TPTE2: variants seen among roughly 807,000 people sequenced by gnomAD.
The protein encoded by TPTE2 is phosphatidylinositol 3,4,5-trisphosphate 3-phosphatase TPTE2.
A neutral mutation model predicts 78.6 loss-of-function variants in TPTE2; 53 were observed. That is an observed-to-expected ratio of 0.67 (90% CI 0.54 to 0.85). The LOEUF is 0.85. TPTE2 is among the 40% of genes least tolerant of loss of function. The pLI is 0.00. For synonymous variants in TPTE2, 175 were observed against 206.2 expected (o/e 0.85, Z 1.30); for missense variants, 461 against 623.0 (o/e 0.74, Z 2.77).
chr13:19,455,096 T>C (rs542920951), intron 10 of TPTE2, among the ~76,000 whole-genome samples: 17 of 152,292 alleles, frequency 1.1e-4, no homozygotes, highest in Non-Finnish European at 1.9e-4. Context: ...GAAACAATTT[T>C]CAAAATTGGC....
At position 19,511,087 on chromosome 13, in the gene TPTE2, T is replaced by C. The variant is rs566494284; in HGVS notation, c.-43-7810A>G. Among the ~76,000 whole-genome samples, 18 of 152,340 alleles carry C rather than the reference T, an allele frequency of 1.2e-4. No homozygotes were observed. In the East Asian group the frequency reaches 3.5e-3, roughly 29 times the overall value. On this transcript the variant is annotated intron_variant, in intron 1 of 17. Transcript: ENST00000390680. ...TCAGTCAAATTTAAAATGTGCAGTC[T>C]CATGGCCCATCAAGTCCTGTTTCAT...
chr13:19,506,291 C>T (rs1234899652), upstream of TPTE2, among the ~76,000 whole-genome samples: 2 of 145,536 alleles, frequency 1.4e-5, no homozygotes, highest in Non-Finnish European at 3.0e-5. Flanking sequence ...CCTGCCTCAG[C>T]CTCCCAAGTA....
intron 1 of TPTE2, among the ~76,000 whole-genome samples, chr13:19,526,290 C>T (rs1249109702): frequency 6.6e-6 from 1 of 152,042 alleles, no homozygotes; most frequent in African/African-American, 2.4e-5. Context: ...TAGCTAGGTG[C>T]CCATCAATGG....
chr13:19,428,689 A>G (rs1327004009), intron 17 of TPTE2, among the ~76,000 whole-genome samples: 1 of 151,910 alleles, frequency 6.6e-6, no homozygotes, highest in Admixed American at 6.6e-5. Context: ...TGATCATGCC[A>G]CTGCACTACA....
chr13:19,518,620 G>T (rs1869952750), intron 1 of TPTE2, among the ~76,000 whole-genome samples: 1 of 152,156 alleles, frequency 6.6e-6, no homozygotes, highest in South Asian at 2.1e-4. Flanking sequence ...AAGATAGAGA[G>T]AAACTGAAAC....
At chr13:19,476,635 A>G (rs1879955725) in intron 4 of TPTE2, among the ~76,000 whole-genome samples, 1 of 152,226 alleles carries the variant, frequency 6.6e-6, no homozygotes. Context: ...CACAGATTTT[A>G]GAGAAATGCA....
At chr13:19,520,051 C>A (rs1870055697) in intron 1 of TPTE2, among the ~76,000 whole-genome samples, 1 of 152,012 alleles carries the variant, frequency 6.6e-6, no homozygotes, top group South Asian at 2.1e-4. Flanking sequence ...CTACTCATTG[C>A]TAATGTTTCT....
intron 3 of TPTE2, among the ~76,000 whole-genome samples, chr13:19,484,876 C>T (rs112759931): frequency 0.014 from 2,057 of 152,128 alleles, 34 homozygotes; most frequent in East Asian, 0.06. Context: ...GTTTCTTTAC[C>T]GGTAAGATGA....
At chr13:19,469,556 T>G (rs1301218690) in intron 6 of TPTE2, among the ~76,000 whole-genome samples, 1 of 152,192 alleles carries the variant, frequency 6.6e-6, no homozygotes, top group African/African-American at 2.4e-5. Context: ...TCTATTTCTG[T>G]GAAGAATGTC....
the TPTE2 span, among the ~76,000 whole-genome samples, chr13:19,555,806 T>TA: frequency 3.6e-5 from 1 of 27,414 alleles, no homozygotes; most frequent in African/African-American, 5.3e-5. Flanking sequence ...CAAATTTCTT[T>TA]TTTTTTTTTT....
intron 3 of TPTE2, among the ~76,000 whole-genome samples, chr13:19,491,768 G>T (rs1394294517): frequency 2.0e-5 from 3 of 152,050 alleles, no homozygotes; most frequent in South Asian, 4.2e-4. Flanking sequence ...GAGGTTACAG[G>T]GAGCCGAGAT....
intron 4 of TPTE2, among the ~76,000 whole-genome samples, chr13:19,481,259 A>G (rs539892861): frequency 4.7e-4 from 72 of 152,326 alleles, no homozygotes; most frequent in Non-Finnish European, 7.9e-4. Context: ...AATAAAACCT[A>G]TTTACAGAAC....
rs1877692344 is a variant in TPTE2 at position 19,444,330 on chromosome 13, A to C, written c.973+5746T>G. On this transcript the variant is annotated intron_variant, in intron 13 of 19. Transcript: ENST00000400230. ...ACAAAAAAAAAAAAAAAAAAAAAAA[A>C]AAAAAAAAAAAAAAAAAAAAAAAAA... 1.1e-4 allele frequency among the ~76,000 whole-genome samples: 10 copies of C among 86,994 alleles called. 1 individual carries two copies. The South Asian group carries it at 2.4e-3, about 21-fold the overall frequency. The allele number at this position is 86,994 out of a possible 152,430, so 57.1% of individuals were successfully genotyped here.
chr13:19,475,557 T>C lies in TPTE2; in HGVS notation c.230+16A>G, dbSNP rs751519973. On this transcript the variant is annotated intron_variant, in intron 5 of 19. Transcript: ENST00000400230. ...CAGATATATTTAATACATGGTGTTT[T>C]CTATGTCTCACATACCCAAATGCAA... 2 of 1,607,098 alleles carry C rather than the reference T, an allele frequency of 1.2e-6. No homozygotes were observed. The highest frequency in any genetic ancestry group is 8.5e-7 in the Non-Finnish European group (1 of 1,177,332).
At chr13:19,461,545 ATTTC>A (rs1208149435) in intron 10 of TPTE2, among the ~76,000 whole-genome samples, 2 of 152,020 alleles carry the variant, frequency 1.3e-5, no homozygotes, top group African/African-American at 2.4e-5. Context: ...TAAATCTCAT[ATTTC>A]TTTGTTGATT....
At chr13:19,445,575 A>G (rs1877773315) in intron 13 of TPTE2, among the ~76,000 whole-genome samples, 1 of 152,230 alleles carries the variant, frequency 6.6e-6, no homozygotes, top group Non-Finnish European at 1.5e-5. Context: ...CTAAGACAGA[A>G]CAATTTTAGT....
intron 3 of TPTE2, among the ~76,000 whole-genome samples, chr13:19,492,246 C>T (rs1354779268): frequency 5.9e-5 from 9 of 152,162 alleles, no homozygotes; most frequent in East Asian, 5.8e-4. Context: ...CTGAGGAAAG[C>T]GGCATCCAAT....
chr13:19,542,205 A>G, the TPTE2 span, among the ~76,000 whole-genome samples: 1 of 152,072 alleles, frequency 6.6e-6, no homozygotes, highest in Non-Finnish European at 1.5e-5. Flanking sequence ...CTCAGGATGG[A>G]GTACAGTGGC....
intron 10 of TPTE2, among the ~76,000 whole-genome samples, chr13:19,462,095 T>C (rs1215557636): frequency 9.2e-6 from 1 of 108,426 alleles, no homozygotes; most frequent in East Asian, 2.7e-4. Context: ...GTTCTTTTCT[T>C]CACCTATTTT....
Sources: gnomAD v4.1 joint callset for allele counts (sites outside exome capture counted in the v4.1 genomes callset) on GRCh38, gnomAD v4.1.1 for gene constraint, MANE v1.5 for transcripts, NCBI Gene and HGNC (gene_info 2026-07-23, HGNC 2026-07-21) for gene names.